Variants in RTL8B observed in about 807,000 individuals in gnomAD.
RTL8B encodes retrotransposon Gag-like protein 8B.
A neutral mutation model predicts 4.4 loss-of-function variants in RTL8B; 5 were observed. The ratio of observed to expected loss-of-function variants is 1.13; its 90% CI spans 0.59 to 2.37. The LOEUF (loss-of-function observed/expected upper bound fraction) is 2.37. Among genes scored for constraint, RTL8B ranks in the 30% most tolerant of loss-of-function variants. RTL8B has a pLI of 0.01. For missense variants in RTL8B, 82 were observed against 99.2 expected (o/e 0.83, Z 0.74); for synonymous variants, 31 against 44.2 (o/e 0.70, Z 1.19).
In RTL8B at chrX:135,021,739, G is replaced by C. The variant is rs769910446; in HGVS notation, c.*379C>G. On this transcript the variant is annotated 3_prime_UTR_variant, in exon 1 of 1. Transcript: ENST00000391440. ...GGTCTGTGGGCAGCATGATGTAGTC[G>C]TCTGGAAGTCTGGTGAGGAGGAGGG... The C allele has an allele frequency of 1.9e-6, 2 of 1,029,684 alleles. No homozygotes were observed. The highest frequency in any genetic ancestry group is 2.8e-4 in the Middle Eastern group (1 of 3,603). The allele number at this position is 1,029,684 out of a possible 1,213,427, so 84.9% of individuals were successfully genotyped here.
rs189287816 is a variant in RTL8B, at chrX:135,020,614, A to G, written c.*1504T>C. ...TTGTAAAGCAGGAGGCACAAAGCCAATTAAAACATTTCCCTTATTGTGCAT... is the reference window on the plus strand; with the variant it reads ...TTGTAAAGCAGGAGGCACAAAGCCAGTTAAAACATTTCCCTTATTGTGCAT... On this transcript the variant is annotated 3_prime_UTR_variant, in exon 1 of 1. Coordinates refer to ENST00000391440, the MANE Select transcript of RTL8B (RefSeq NM_001078173.2). 8.9e-6 allele frequency: 1 copy of G among 112,187 alleles called. No individual in the cohort carries two copies. Among genetic ancestry groups the G allele is most frequent in the East Asian group, 2.8e-4 (1 of 3,577 alleles). 9.2% of individuals were successfully genotyped at this position (112,187 alleles called of 1,213,427 possible).
chrX:135,021,543 G>C lies in RTL8B; in HGVS notation c.*575C>G. The C allele has an allele frequency of 1.6e-6, 1 of 616,870 alleles. No homozygotes were observed. The highest frequency in any genetic ancestry group is 2.4e-6 in the Non-Finnish European group (1 of 421,722). 50.8% of individuals were successfully genotyped at this position (616,870 alleles called of 1,213,427 possible). A position where few individuals can be genotyped will look rare whatever the true frequency, so the allele number is the denominator to read the frequency against. ...GGAGCACAAAAAGTCTCTGGGATTG[G>C]GGAGGAAATGGGTCTCGCTGAAGGT... is the stretch of plus-strand genomic sequence containing the variant. On this transcript the variant is annotated 3_prime_UTR_variant, in exon 1 of 1. Transcript: ENST00000391440.
Position 135,021,545 on chromosome X carries a change from G to A in RTL8B, c.*573C>T. On this transcript the variant is annotated 3_prime_UTR_variant, in exon 1 of 1. Transcript: ENST00000391440. ...AGCACAAAAAGTCTCTGGGATTGGG[G>A]AGGAAATGGGTCTCGCTGAAGGTAA... 1 of 635,437 alleles carries A rather than the reference G, an allele frequency of 1.6e-6. No individual in the cohort carries two copies. The highest frequency in any genetic ancestry group is 2.3e-6 in the Non-Finnish European group (1 of 438,405). 52.4% of individuals were successfully genotyped at this position (635,437 alleles called of 1,213,427 possible).
At position 135,021,123 on chromosome X, in the gene RTL8B, G is replaced by A. The variant is rs1026333213; in HGVS notation, c.*995C>T. The A allele has an allele frequency of 7.0e-6, 1 of 142,383 alleles. No homozygotes were observed. Among genetic ancestry groups the A allele is most frequent in the African/African-American group, 3.2e-5 (1 of 31,470 alleles). 11.7% of individuals were successfully genotyped at this position (142,383 alleles called of 1,213,427 possible). On this transcript the variant is annotated 3_prime_UTR_variant, in exon 1 of 1. Transcript: ENST00000391440. ...CTGGGACAGAAGGATCACCAGTGGGGACACTATCCCCCAGGTTACCACAGG... is the reference window on the plus strand; with the variant it reads ...CTGGGACAGAAGGATCACCAGTGGGAACACTATCCCCCAGGTTACCACAGG...
In RTL8B at chrX:135,021,293, A is replaced by G; in HGVS notation, c.*825T>C. The G allele has an allele frequency of 4.0e-6, 1 of 249,101 alleles. No individual in the cohort carries two copies. The highest frequency in any genetic ancestry group is 7.5e-6 in the Non-Finnish European group (1 of 132,511). 20.5% of individuals were successfully genotyped at this position (249,101 alleles called of 1,213,427 possible). ...TTCATTCAGACTCTATTTCTTTCTC[A>G]ATAGTGTCTGACATTTATTGAAAAT... On this transcript the variant is annotated 3_prime_UTR_variant, in exon 1 of 1. Transcript: ENST00000391440.
rs2083264175 is a variant in RTL8B at position 135,020,679 on chromosome X, T to G, written c.*1439A>C. 8.9e-6 allele frequency: 1 copy of G among 111,924 alleles called. No individual in the cohort carries two copies. Among genetic ancestry groups the G allele is most frequent in the Non-Finnish European group, 1.9e-5 (1 of 53,218 alleles). 9.2% of individuals were successfully genotyped at this position (111,924 alleles called of 1,213,427 possible). On this transcript the variant is annotated 3_prime_UTR_variant, in exon 1 of 1. Coordinates refer to ENST00000391440, the MANE Select transcript of RTL8B (RefSeq NM_001078173.2). ...AATTTTTTTACCCAAGCTTATGAAA[T>G]GTACCAGGATCACATGTAATTGAAT...
In RTL8B at chrX:135,021,612, A is replaced by T; in HGVS notation, c.*506T>A. 1.1e-6 allele frequency: 1 copy of T among 931,070 alleles called. No individual in the cohort carries two copies. The highest frequency in any genetic ancestry group is 1.4e-6 in the Non-Finnish European group (1 of 707,633). 76.7% of individuals were successfully genotyped at this position (931,070 alleles called of 1,213,427 possible). On this transcript the variant is annotated 3_prime_UTR_variant, in exon 1 of 1. Transcript: ENST00000391440. ...CAGCCAGCTGTCTGGATCATTGTCCAGGGGCTGTGTCCAGCCCAGATACCT... is the reference window on the plus strand; with the variant it reads ...CAGCCAGCTGTCTGGATCATTGTCCTGGGGCTGTGTCCAGCCCAGATACCT...
At position 135,021,647 on chromosome X, in the gene RTL8B, G is replaced by A. The variant is rs1569476364; in HGVS notation, c.*471C>T. 1 of 985,155 alleles carries A rather than the reference G, an allele frequency of 1.0e-6. No individual in the cohort carries two copies. Among genetic ancestry groups the A allele is most frequent in the Non-Finnish European group, 1.3e-6 (1 of 756,223 alleles). 81.2% of individuals were successfully genotyped at this position (985,155 alleles called of 1,213,427 possible). On this transcript the variant is annotated 3_prime_UTR_variant, in exon 1 of 1. Coordinates refer to ENST00000391440, the MANE Select transcript of RTL8B (RefSeq NM_001078173.2). ...TCCAGCCCAGATACCTCCGAGGTGA[G>A]TACAGATCACTAGAAGCAGCAGTCT...
Position 135,022,216 on chromosome X carries a change from G to A in RTL8B, c.244C>T (p.Pro82Ser), listed in dbSNP as rs767781458. The change falls in exon 1 of 1, where the codon CCC (proline) becomes TCC (serine). Residue 82 changes from proline (P) to serine (S), a missense_variant. Coordinates refer to ENST00000391440, the MANE Select transcript of RTL8B (RefSeq NM_001078173.2). ...LTGPALQWVI[P>S]YIKKESPLLS... ...AGGGGGCTCTCCTTCTTGATGTAGG[G>A]GATCACCCACTGCAGGGCGGGCCCC... 59 of 1,210,676 alleles carry A rather than the reference G, an allele frequency of 4.9e-5. No individual in the cohort carries two copies. Among genetic ancestry groups the A allele is most frequent in the Non-Finnish European group, 6.6e-5 (59 of 895,185 alleles).
Position 135,021,886 on chromosome X carries a change from G to A in RTL8B, c.*232C>T, listed in dbSNP as rs772385107. 8.7e-7 allele frequency: 1 copy of A among 1,154,453 alleles called. No individual in the cohort carries two copies. Among genetic ancestry groups the A allele is most frequent in the East Asian group, 3.3e-5 (1 of 30,239 alleles). On this transcript the variant is annotated 3_prime_UTR_variant, in exon 1 of 1. Coordinates refer to ENST00000391440, the MANE Select transcript of RTL8B (RefSeq NM_001078173.2). ...AGGGGCTGAGCTGGCACGAGAGGGC[G>A]GAGGCAGCCCGCTCCAGAGTGAGGC...
rs1296376774 is a variant in RTL8B, at chrX:135,020,682, A to G, written c.*1436T>C. ...TTTTTTACCCAAGCTTATGAAATGT[A>G]CCAGGATCACATGTAATTGAATAAA... On this transcript the variant is annotated 3_prime_UTR_variant, in exon 1 of 1. Coordinates refer to ENST00000391440, the MANE Select transcript of RTL8B (RefSeq NM_001078173.2). The G allele has an allele frequency of 8.9e-6, 1 of 112,146 alleles. No homozygotes were observed. The highest frequency in any genetic ancestry group is 2.8e-4 in the East Asian group (1 of 3,586). 9.2% of individuals were successfully genotyped at this position (112,146 alleles called of 1,213,427 possible). A position where few individuals can be genotyped will look rare whatever the true frequency, so the allele number is the denominator to read the frequency against.
chrX:135,021,297 G>A lies in RTL8B; in HGVS notation c.*821C>T. 1 of 248,574 alleles carries A rather than the reference G, an allele frequency of 4.0e-6. No individual in the cohort carries two copies. Among genetic ancestry groups the A allele is most frequent in the South Asian group, 4.1e-5 (1 of 24,161 alleles). The allele number at this position is 248,574 out of a possible 1,213,427, so 20.5% of individuals were successfully genotyped here. On this transcript the variant is annotated 3_prime_UTR_variant, in exon 1 of 1. Transcript: ENST00000391440. ...TTCAGACTCTATTTCTTTCTCAATA[G>A]TGTCTGACATTTATTGAAAATATGG...
At position 135,022,297 on chromosome X, in the gene RTL8B, C is replaced by A. The variant is rs762278066; in HGVS notation, c.163G>T (p.Glu55Ter). ...AGGGCGTCGTTGGAGAACGTGTTCT[C>A]GTCCACGAACATGTAGGAGCTCGTC... The part of the protein sequence containing the change: ...VQTSSYMFVD[E>*]NTFSNDALKV... Residue 55 changes from glutamate (E) to a stop codon, truncating the protein, a stop_gained, in exon 1 of 1, where the codon GAG becomes TAG. Transcript: ENST00000391440. LOFTEE classifies it high-confidence loss of function. 20 of 1,210,552 alleles carry A rather than the reference C, an allele frequency of 1.7e-5. No individual in the cohort carries two copies. The highest frequency in any genetic ancestry group is 1.8e-5 in the Non-Finnish European group (16 of 895,311).
Position 135,021,758 on chromosome X carries a change from A to C in RTL8B, c.*360T>G. On this transcript the variant is annotated 3_prime_UTR_variant, in exon 1 of 1. Coordinates refer to ENST00000391440, the MANE Select transcript of RTL8B (RefSeq NM_001078173.2). ...GTAGTCGTCTGGAAGTCTGGTGAGG[A>C]GGAGGGGGGTTGGCAGCGGCGGCTG... 1 of 1,049,248 alleles carries C rather than the reference A, an allele frequency of 9.5e-7. No homozygotes were observed. The allele number at this position is 1,049,248 out of a possible 1,213,427, so 86.5% of individuals were successfully genotyped here. A position where few individuals can be genotyped will look rare whatever the true frequency, so the allele number is the denominator to read the frequency against.
rs1257786918 is a variant in RTL8B at position 135,022,479 on chromosome X, T to C, written c.-20A>G. 3.3e-6 allele frequency: 4 copies of C among 1,201,447 alleles called. No homozygotes were observed. Among genetic ancestry groups the C allele is most frequent in the Admixed American group, 2.2e-5 (1 of 45,406 alleles). ...TTCCATCGCGCCGCGCTGGCTCCGC[T>C]GAGTTTAGCTGAGCTGCGCTGGGCT... is the stretch of plus-strand genomic sequence containing the variant. On this transcript the variant is annotated 5_prime_UTR_variant, in exon 1 of 1. Coordinates refer to ENST00000391440, the MANE Select transcript of RTL8B (RefSeq NM_001078173.2).
In RTL8B at chrX:135,022,254, A is replaced by G. The variant is rs745470166; in HGVS notation, c.206T>C (p.Ile69Thr). ...CAGGGCGGGCCCCGTGAGGCGGGTG[A>G]TGAGGAACGTCACCTTCAGGGCGTC... is the stretch of plus-strand genomic sequence containing the variant. ...SNDALKVTFL[I>T]TRLTGPALQW... is the part of the protein sequence containing the mutation. The change falls in exon 1 of 1, where the codon ATC becomes ACC. Residue 69 changes from isoleucine (I) to threonine (T), a missense_variant. Coordinates refer to ENST00000391440, the MANE Select transcript of RTL8B (RefSeq NM_001078173.2). 8.3e-7 allele frequency: 1 copy of G among 1,212,114 alleles called. No individual in the cohort carries two copies. Among genetic ancestry groups the G allele is most frequent in the South Asian group, 1.8e-5 (1 of 56,997 alleles).
Position 135,022,494 on chromosome X carries a change from T to G in RTL8B, c.-35A>C. On this transcript the variant is annotated 5_prime_UTR_variant, in exon 1 of 1. Coordinates refer to ENST00000391440, the MANE Select transcript of RTL8B (RefSeq NM_001078173.2). ...CTGGCTCCGCTGAGTTTAGCTGAGCTGCGCTGGGCTTCGCCGGGGGCTGCA... is the reference window on the plus strand; with the variant it reads ...CTGGCTCCGCTGAGTTTAGCTGAGCGGCGCTGGGCTTCGCCGGGGGCTGCA... 1.7e-6 allele frequency: 2 copies of G among 1,193,113 alleles called. No individual in the cohort carries two copies. Among genetic ancestry groups the G allele is most frequent in the Middle Eastern group, 2.4e-4 (1 of 4,216 alleles).
In RTL8B at chrX:135,022,452, C is replaced by T; in HGVS notation, c.8G>A (p.Gly3Asp). 8.3e-7 allele frequency: 1 copy of T among 1,209,528 alleles called. No individual in the cohort carries two copies. Among genetic ancestry groups the T allele is most frequent in the South Asian group, 1.8e-5 (1 of 56,428 alleles). Residue 3 changes from glycine to aspartate, a missense_variant, in exon 1 of 1, where the codon GGT (glycine) becomes GAT (aspartate). Physicochemically the swap from Gly to Asp is moderately conservative, Grantham distance 94. Transcript: ENST00000391440. ...GAGGGCCTTCATCAGCTGCACTCGA[C>T]CTTCCATCGCGCCGCGCTGGCTCCG... ME[G>D]RVQLMKALLA...
In RTL8B at chrX:135,022,318, T is replaced by C. The variant is rs755047958; in HGVS notation, c.142A>G (p.Ser48Gly). 1.1e-5 allele frequency: 13 copies of C among 1,211,450 alleles called. No individual in the cohort carries two copies. The highest frequency in any genetic ancestry group is 1.3e-5 in the Non-Finnish European group (12 of 895,418). The change falls in exon 1 of 1, where the codon AGC becomes GGC. Residue 48 changes from serine (S) to glycine (G), a missense_variant. Physicochemically the swap from Ser to Gly is moderately conservative, Grantham distance 56 (BLOSUM62 0). Transcript: ENST00000391440. ...TTCTCGTCCACGAACATGTAGGAGC[T>C]CGTCTGCACGATGAACTCCGGGAGC... is the stretch of plus-strand genomic sequence containing the variant. ...DRLPEFIVQT[S>G]SYMFVDENTF... is the part of the protein sequence containing the mutation.
Sources: gnomAD v4.1 joint callset for allele counts on GRCh38, gnomAD v4.1.1 for gene constraint, MANE v1.5 for transcripts, NCBI Gene and HGNC (gene_info 2026-07-23, HGNC 2026-07-21) for gene names.